Variants in TMTC1 observed in about 807,000 individuals in gnomAD.
TMTC1 encodes the protein transmembrane O-mannosyltransferase targeting cadherins 1.
TMTC1 carries 73 observed loss-of-function variants against 104.8 expected under a neutral mutation model. The observed-to-expected ratio is 0.70, with a 90% CI of 0.58 to 0.85. TMTC1 has a LOEUF of 0.85. Ranked by LOEUF, TMTC1 falls within the 40% of genes least tolerant of loss-of-function variation. TMTC1 has a pLI of 0.00. For synonymous variants in TMTC1, 434 were observed against 428.7 expected (o/e 1.01, Z -0.15); for missense variants, 1,035 against 1,096.1 (o/e 0.94, Z 0.79).
rs537433222 is a variant in TMTC1 at position 29,614,878 on chromosome 12, A to G, written c.1129-10579T>C. Among the ~76,000 whole-genome samples the G allele has an allele frequency of 1.3e-5, 2 of 152,342 alleles. 1 individual carries two copies. The highest frequency in any genetic ancestry group is 2.9e-5 in the Non-Finnish European group (2 of 68,042). ...CTTGTTTCTTCAACAAGCCTTGGCA[A>G]TAAATTACTCCCCAAGTGAAGACAT... On this transcript the variant is annotated intron_variant, in intron 6 of 17. Coordinates refer to ENST00000539277, the MANE Select transcript of TMTC1 (RefSeq NM_001193451.2).
chr12:29,583,217 A>G (rs1946030373), intron 8 of TMTC1, among the ~76,000 whole-genome samples, 190 bp downstream of exon 8: 1 of 152,216 alleles, frequency 6.6e-6, no homozygotes, highest in South Asian at 2.1e-4. Context: ...GCTCATGTTA[A>G]GTTTTATATA....
At chr12:29,612,663 C>T (rs1946875098) in intron 6 of TMTC1, among the ~76,000 whole-genome samples, 1 of 152,172 alleles carries the variant, frequency 6.6e-6, no homozygotes, top group Non-Finnish European at 1.5e-5. Flanking sequence ...GATCTGCCTG[C>T]CTCAGCCTCC....
chr12:29,762,286 AC>A (rs1309774528), intron 2 of TMTC1, among the ~76,000 whole-genome samples: 3 of 152,164 alleles, frequency 2.0e-5, no homozygotes, highest in African/African-American at 7.2e-5. Flanking sequence ...TCCATGTAAC[AC>A]CCACTCCCTC....
chr12:29,727,041 T>G (rs1279362473), intron 5 of TMTC1, among the ~76,000 whole-genome samples: 1 of 152,184 alleles, frequency 6.6e-6, no homozygotes. Context: ...GAGAGCAACT[T>G]CAAATGCAAT....
In TMTC1 at chr12:29,758,742, C is replaced by A. The variant is rs189683080; in HGVS notation, c.516G>T (p.Ala172=). Residue 172 remains alanine, a synonymous_variant, in exon 3 of 18, where the codon GCG becomes GCT. Transcript: ENST00000539277. The stretch of plus-strand genomic sequence containing the variant: ...GAAAGGCCAATAGAAACAGCAGACA[C>A]GCTAACACGTCCGCTCTGCCAACGA... ...AGIVGRADVL[A]CLLFLLAFLS... is the part of the protein sequence containing the mutation. The A allele has an allele frequency of 6.2e-7, 1 of 1,612,962 alleles. No individual in the cohort carries two copies. Among genetic ancestry groups the A allele is most frequent in the South Asian group, 1.1e-5 (1 of 90,948 alleles).
chr12:29,625,846 T>G (rs539063058), intron 6 of TMTC1, among the ~76,000 whole-genome samples: 16 of 152,272 alleles, frequency 1.1e-4, no homozygotes, highest in African/African-American at 3.4e-4. Context: ...GAAAAACCCT[T>G]TCTGACATAC....
intron 5 of TMTC1, chr12:29,666,277 G>GC: frequency 2.5e-6 from 1 of 392,294 alleles, no homozygotes; most frequent in Admixed American, 3.3e-5. Context: ...ACCCAGGCTG[G>GC]AGTGCAGTGG....
intron 1 of TMTC1, among the ~76,000 whole-genome samples, chr12:29,769,787 T>G (rs1483142428): frequency 6.6e-6 from 1 of 152,130 alleles, no homozygotes; most frequent in Non-Finnish European, 1.5e-5. Flanking sequence ...GGTGTCCAAG[T>G]TGGAAGGTCT....
chr12:29,648,379 T>A (rs1035120694), intron 5 of TMTC1, among the ~76,000 whole-genome samples: 2 of 152,212 alleles, frequency 1.3e-5, no homozygotes, highest in Non-Finnish European at 2.9e-5. Context: ...GCACCTATGG[T>A]CTTGGGTCTT....
chr12:29,502,466 C>T lies in TMTC1; in HGVS notation c.*4380G>A, dbSNP rs189579469. On this transcript the variant is annotated 3_prime_UTR_variant, in exon 18 of 18. Coordinates refer to ENST00000539277, the MANE Select transcript of TMTC1 (RefSeq NM_001193451.2). ...TACCATGGACACCTTCTATGAGTCACGAAAATATCAGTCATATATATACTG... is the reference window on the plus strand; with the variant it reads ...TACCATGGACACCTTCTATGAGTCATGAAAATATCAGTCATATATATACTG... 3.3e-5 allele frequency: 5 copies of T among 151,806 alleles called. No homozygotes were observed. Among genetic ancestry groups the T allele is most frequent in the African/African-American group, 7.3e-5 (3 of 41,352 alleles). The allele number at this position is 151,806 out of a possible 1,614,324, so 9.4% of individuals were successfully genotyped here.
At chr12:29,691,074 C>T (rs1184812322) in intron 5 of TMTC1, among the ~76,000 whole-genome samples, 1 of 152,198 alleles carries the variant, frequency 6.6e-6, no homozygotes, top group Non-Finnish European at 1.5e-5. Context: ...TGGGACCAGT[C>T]TGCCTTTGTA....
At chr12:29,778,447 A>G (rs574267895) in intron 1 of TMTC1, among the ~76,000 whole-genome samples, 52 of 152,174 alleles carry the variant, frequency 3.4e-4, no homozygotes, top group African/African-American at 1.2e-3. Context: ...GGTTATGGAC[A>G]TCATAGAGTT....
intron 1 of TMTC1, among the ~76,000 whole-genome samples, chr12:29,772,271 G>A (rs1411457620): frequency 6.6e-6 from 1 of 152,162 alleles, no homozygotes. Flanking sequence ...CCCATCTCGA[G>A]AGGACAAGGG....
At chr12:29,681,099 C>CAA (rs71045827) in intron 5 of TMTC1, among the ~76,000 whole-genome samples, 2,170 of 106,928 alleles carry the variant, frequency 0.02, 87 homozygotes, top group African/African-American at 0.062. Flanking sequence ...ACCCTGTCTC[C>CAA]AAAAAAAAAA....
intron 5 of TMTC1, among the ~76,000 whole-genome samples, chr12:29,718,356 T>G (rs12809562): frequency 0.088 from 13,469 of 152,224 alleles, 675 homozygotes; most frequent in East Asian, 0.15. Context: ...TTTGAAAAAT[T>G]TAAAGACAGA....
chr12:29,584,393 T>C (rs1472238557), intron 7 of TMTC1, among the ~76,000 whole-genome samples: 2 of 152,096 alleles, frequency 1.3e-5, no homozygotes, highest in South Asian at 2.1e-4. Context: ...TTGAAATCTA[T>C]TTTTATTTTA....
At chr12:29,578,893 C>A (rs935650166) in intron 8 of TMTC1, among the ~76,000 whole-genome samples, 1 of 152,132 alleles carries the variant, frequency 6.6e-6, no homozygotes, top group African/African-American at 2.4e-5. Flanking sequence ...TTTATAATGC[C>A]ACACACAGGA....
At chr12:29,655,242 C>G (rs1186008691) in intron 5 of TMTC1, among the ~76,000 whole-genome samples, 2 of 152,040 alleles carry the variant, frequency 1.3e-5, no homozygotes, top group Admixed American at 6.6e-5. Context: ...AGAAAGTAGA[C>G]CAGTGGCTGG....
chr12:29,683,041 T>C (rs963511473), intron 5 of TMTC1, among the ~76,000 whole-genome samples: 24 of 152,198 alleles, frequency 1.6e-4, no homozygotes, highest in African/African-American at 5.8e-4. Flanking sequence ...AAACAAATTT[T>C]CTTAAAAAGT....
Sources: gnomAD v4.1 joint callset for allele counts (sites outside exome capture counted in the v4.1 genomes callset) on GRCh38, gnomAD v4.1.1 for gene constraint, MANE v1.5 for transcripts, NCBI Gene and HGNC (gene_info 2026-07-23, HGNC 2026-07-21) for gene names.